SLC35F1: variants seen among roughly 807,000 people sequenced by gnomAD.
The protein encoded by SLC35F1 is solute carrier family 35 member F1, also known as chromosome 6 open reading frame 169.
Under a neutral mutation model 48.7 loss-of-function variants are expected in SLC35F1, and 14 were observed. That is an observed-to-expected ratio of 0.29 (90% CI 0.19 to 0.45). The LOEUF (loss-of-function observed/expected upper bound fraction) is 0.45, where lower values mean the gene tolerates loss of function less well. Among genes scored for constraint, SLC35F1 ranks in the 20% least tolerant of loss-of-function variants. The pLI is 1.00. For synonymous variants in SLC35F1, 190 were observed against 202.2 expected (o/e 0.94, Z 0.51); for missense variants, 404 against 500.0 (o/e 0.81, Z 1.83).
At chr6:117,942,774 C>G (rs1233960277) in intron 1 of SLC35F1, among the ~76,000 whole-genome samples, 2 of 152,156 alleles carry the variant, frequency 1.3e-5, no homozygotes, top group East Asian at 3.8e-4. Context: ...TCTACTAAAT[C>G]TAGTTTTCTA....
intron 1 of SLC35F1, among the ~76,000 whole-genome samples, chr6:118,131,787 T>TATATG (rs1311357559): frequency 6.6e-6 from 1 of 151,406 alleles, no homozygotes; most frequent in Non-Finnish European, 1.5e-5. Context: ...CTAATTATAT[T>TATATG]ATATTATTTG....
At chr6:118,124,712 A>AT (rs1207795322) in intron 1 of SLC35F1, among the ~76,000 whole-genome samples, 1 of 152,030 alleles carries the variant, frequency 6.6e-6, no homozygotes, top group Non-Finnish European at 1.5e-5. Context: ...ATTTACAAAC[A>AT]TTTTTTTCTT....
intron 1 of SLC35F1, among the ~76,000 whole-genome samples, chr6:118,085,144 G>A (rs1772968448): frequency 6.6e-6 from 1 of 152,112 alleles, no homozygotes; most frequent in African/African-American, 2.4e-5. Flanking sequence ...CTTCTATGCA[G>A]GAGCTGCCAA....
At chr6:118,158,707 C>T (rs1774180648) in intron 2 of SLC35F1, among the ~76,000 whole-genome samples, 1 of 152,210 alleles carries the variant, frequency 6.6e-6, no homozygotes, top group Non-Finnish European at 1.5e-5. Context: ...CAAAATTTCA[C>T]TGGAGTCACG....
intron 1 of SLC35F1, among the ~76,000 whole-genome samples, chr6:117,976,958 TTTAAA>T (rs1442507303): frequency 2.0e-5 from 3 of 152,234 alleles, no homozygotes; most frequent in African/African-American, 7.2e-5. Context: ...TCAAGGATCA[TTTAAA>T]TTAAATTGTT....
At chr6:118,241,360 G>T (rs1775438160) in intron 3 of SLC35F1, among the ~76,000 whole-genome samples, 1 of 152,062 alleles carries the variant, frequency 6.6e-6, no homozygotes, top group Admixed American at 6.6e-5. Context: ...CCACACTTAT[G>T]GTTAAATGTC....
chr6:118,095,349 G>A (rs1773137690), intron 1 of SLC35F1, among the ~76,000 whole-genome samples: 2 of 152,186 alleles, frequency 1.3e-5, no homozygotes, highest in Admixed American at 6.5e-5. Context: ...CATGGAGGAG[G>A]CGTGTAACCT....
intron 1 of SLC35F1, among the ~76,000 whole-genome samples, chr6:117,989,858 T>G (rs926653014): frequency 3.3e-5 from 5 of 152,212 alleles, no homozygotes; most frequent in Admixed American, 1.3e-4. Flanking sequence ...AACTTGATTT[T>G]CTAGCAAAGC....
intron 1 of SLC35F1, among the ~76,000 whole-genome samples, chr6:118,084,760 TG>T (rs1490394048): frequency 6.6e-6 from 1 of 151,708 alleles, no homozygotes; most frequent in African/African-American, 2.4e-5. Flanking sequence ...GGGTCGGAGG[TG>T]GACAGGGTGC....
At chr6:117,977,304 C>G (rs2114847387) in intron 1 of SLC35F1, among the ~76,000 whole-genome samples, 1 of 151,654 alleles carries the variant, frequency 6.6e-6, no homozygotes, top group South Asian at 2.1e-4. Context: ...TCAAGCGATT[C>G]TCCTGCCTCA....
chr6:118,004,757 C>T (rs1196480769), intron 1 of SLC35F1, among the ~76,000 whole-genome samples: 1 of 151,922 alleles, frequency 6.6e-6, no homozygotes, highest in Non-Finnish European at 1.5e-5. Context: ...GAGATGAAGT[C>T]TTGATATTTT....
rs570433848 is a variant in SLC35F1 at position 118,275,451 on chromosome 6, G to A, written c.638-8G>A. ...CTCCCTCTGTTTGTTTGTTTGGTTG[G>A]TTCCTAGGGGAAAATAAGCTGGTAG... On this transcript the variant is annotated splice_polypyrimidine_tract_variant and splice_region_variant and intron_variant, in intron 4 of 7. Coordinates refer to ENST00000360388, the MANE Select transcript of SLC35F1 (RefSeq NM_001029858.4). 5.6e-6 allele frequency: 9 copies of A among 1,608,062 alleles called. No homozygotes were observed. The African/African-American group carries it at 8.0e-5, about 14-fold the overall frequency.
intron 3 of SLC35F1, among the ~76,000 whole-genome samples, chr6:118,259,028 T>C (rs1009767106): frequency 6.6e-6 from 1 of 151,764 alleles, no homozygotes; most frequent in African/African-American, 2.4e-5. Flanking sequence ...AACCCATAAT[T>C]TTTTTAAAGC....
At chr6:118,218,670 G>A (rs1775106059) in intron 2 of SLC35F1, among the ~76,000 whole-genome samples, 1 of 152,140 alleles carries the variant, frequency 6.6e-6, no homozygotes, top group African/African-American at 2.4e-5. Flanking sequence ...GGAATCTACA[G>A]ACAAATGGGA....
chr6:117,970,452 T>C (rs1032028476), intron 1 of SLC35F1, among the ~76,000 whole-genome samples: 1 of 152,152 alleles, frequency 6.6e-6, no homozygotes, highest in Non-Finnish European at 1.5e-5. Context: ...TTTTAAATAG[T>C]GTCTTTTCAG....
chr6:117,971,789 A>C (rs1202706145), intron 1 of SLC35F1, among the ~76,000 whole-genome samples: 1 of 152,242 alleles, frequency 6.6e-6, no homozygotes, highest in Non-Finnish European at 1.5e-5. Context: ...GCTGGGACAC[A>C]GGGCACCATG....
intron 1 of SLC35F1, chr6:117,999,361 T>A: frequency 6.3e-7 from 1 of 1,591,336 alleles, no homozygotes; most frequent in Non-Finnish European, 8.5e-7. Flanking sequence ...AGGCCAAGGA[T>A]CAAACCAAGG....
intron 1 of SLC35F1, among the ~76,000 whole-genome samples, chr6:117,980,531 G>A (rs1446070642): frequency 6.6e-6 from 1 of 152,122 alleles, no homozygotes; most frequent in Non-Finnish European, 1.5e-5. Flanking sequence ...AAATGGAACA[G>A]AAAGGAGTTT....
chr6:117,957,468 G>T (rs967993095), intron 1 of SLC35F1, among the ~76,000 whole-genome samples: 1 of 152,248 alleles, frequency 6.6e-6, no homozygotes, highest in Admixed American at 6.5e-5. Context: ...TTTTAGATGC[G>T]ATCTTGATAG....
Sources: gnomAD v4.1 joint callset for allele counts (sites outside exome capture counted in the v4.1 genomes callset) on GRCh38, gnomAD v4.1.1 for gene constraint, MANE v1.5 for transcripts, NCBI Gene and HGNC (gene_info 2026-07-23, HGNC 2026-07-21) for gene names.